The following TACC1 variants were observed in gnomAD, a reference collection of about 807,000 sequenced individuals.
TACC1 encodes transforming acidic coiled-coil containing protein 1.
A neutral mutation model predicts 84.4 loss-of-function variants in TACC1; 48 were observed. The ratio of observed to expected loss-of-function variants is 0.57; its 90% CI spans 0.45 to 0.72. The LOEUF (loss-of-function observed/expected upper bound fraction) is 0.72, where lower values mean the gene tolerates loss of function less well. Ranked by LOEUF, TACC1 falls within the 30% of genes least tolerant of loss-of-function variation. The pLI, the probability that TACC1 is intolerant of heterozygous loss-of-function variation, is 0.00. For missense variants in TACC1, 920 were observed against 973.0 expected (o/e 0.95, Z 0.72); for synonymous variants, 372 against 376.3 (o/e 0.99, Z 0.13).
At chr8:38,741,865 C>T (rs914496488) in intron 1 of TACC1, among the ~76,000 whole-genome samples, 3 of 152,010 alleles carry the variant, frequency 2.0e-5, no homozygotes, top group Admixed American at 6.6e-5. Context: ...GACTGAAATA[C>T]GGCCAGGGCA....
chr8:38,849,180 A>G lies in TACC1; in HGVS notation c.*1157A>G, dbSNP rs1243643524. The G allele has an allele frequency of 1.3e-5, 2 of 150,088 alleles. No homozygotes were observed. Among genetic ancestry groups the G allele is most frequent in the South Asian group, 2.1e-4 (1 of 4,720 alleles). 9.3% of individuals were successfully genotyped at this position (150,088 alleles called of 1,614,324 possible). Reference sequence around the variant, plus strand: ...TTAAGACAGAATTTTTAACAAAATGAGCAGTAAAAGTCACATGAACCACTC... The same window carrying G: ...TTAAGACAGAATTTTTAACAAAATGGGCAGTAAAAGTCACATGAACCACTC... On this transcript the variant is annotated 3_prime_UTR_variant, in exon 13 of 13. Transcript: ENST00000317827.
chr8:38,762,311 A>G (rs1389440685), intron 3 of TACC1, among the ~76,000 whole-genome samples: 1 of 151,690 alleles, frequency 6.6e-6, no homozygotes, highest in East Asian at 1.9e-4. Context: ...GGCACCCACC[A>G]TCCTATTTTC....
exon 3 of TACC1, chr8:38,745,376 C>T (rs1587164137): frequency 3.3e-6 from 2 of 611,850 alleles, no homozygotes; most frequent in Non-Finnish European, 5.8e-6. Context: ...TTCATCATAT[C>T]CAAGATTGAA....
At position 38,820,289 on chromosome 8, in the gene TACC1, C is replaced by A. The variant is rs1348297612; in HGVS notation, c.1045C>A (p.Leu349Met). ...RKLGRKLGST[L>M]TPKIQKDGIS... ...GCTTGGCAGGAAACTGGGTAGCACA[C>A]TGACTCCCAAGATACAAAAAGATGG... Residue 349 changes from leucine to methionine, a missense_variant, in exon 3 of 13, where the codon CTG becomes ATG. By Grantham distance (15) the Leu-to-Met change is conservative. Coordinates refer to ENST00000317827, the MANE Select transcript of TACC1 (RefSeq NM_006283.3). 1 of 1,614,186 alleles carries A rather than the reference C, an allele frequency of 6.2e-7. No homozygotes were observed. The highest frequency in any genetic ancestry group is 8.5e-7 in the Non-Finnish European group (1 of 1,180,042).
Position 38,780,658 on chromosome 8 carries a change from G to C in TACC1, c.27-8046G>C, listed in dbSNP as rs143711304. Among the ~76,000 whole-genome samples, 261 of 148,454 alleles carry C rather than the reference G, an allele frequency of 1.8e-3. 1 individual carries two copies. The highest frequency in any genetic ancestry group is 6.2e-3 in the African/African-American group (249 of 40,472). ...TTTTTTTTTACAAAATCTAAAATAT[G>C]TTCACCAGTTTATTTTTCCAGATAA... On this transcript the variant is annotated intron_variant, in intron 3 of 14. Transcript: ENST00000518415.
chr8:38,817,946 A>C (rs1261943977), intron 2 of TACC1, among the ~76,000 whole-genome samples: 1 of 144,198 alleles, frequency 6.9e-6, no homozygotes, highest in African/African-American at 2.5e-5. Context: ...AAAAAAAAAA[A>C]ACAGGCTGGA....
chr8:38,813,581 T>C (rs1045301257), intron 2 of TACC1, among the ~76,000 whole-genome samples: 1 of 152,208 alleles, frequency 6.6e-6, no homozygotes, highest in African/African-American at 2.4e-5. Context: ...CACCATGGGT[T>C]GTATTGAGTT....
chr8:38,760,008 C>A (rs2151806541), intron 3 of TACC1, among the ~76,000 whole-genome samples: 1 of 151,664 alleles, frequency 6.6e-6, no homozygotes, highest in African/African-American at 2.4e-5. Flanking sequence ...GAGGCTGTAG[C>A]CTTTTCAAAA....
chr8:38,759,105 A>G (rs572506213), intron 3 of TACC1, among the ~76,000 whole-genome samples: 1 of 152,198 alleles, frequency 6.6e-6, no homozygotes, highest in Non-Finnish European at 1.5e-5. Context: ...GCAATATAAC[A>G]TTGAGATGAA....
chr8:38,848,529 A>T lies in TACC1; in HGVS notation c.*506A>T, dbSNP rs1051854675. ...CTGGATCCCCTTTTAAATTACACACACTCTCACACACATACATGTATGTTT... is the reference window on the plus strand; with the variant it reads ...CTGGATCCCCTTTTAAATTACACACTCTCTCACACACATACATGTATGTTT... On this transcript the variant is annotated 3_prime_UTR_variant, in exon 13 of 13. Coordinates refer to ENST00000317827, the MANE Select transcript of TACC1 (RefSeq NM_006283.3). The T allele has an allele frequency of 6.5e-6, 1 of 152,792 alleles. No individual in the cohort carries two copies. The highest frequency in any genetic ancestry group is 2.4e-5 in the African/African-American group (1 of 41,424). The allele number at this position is 152,792 out of a possible 1,614,324, so 9.5% of individuals were successfully genotyped here.
chr8:38,792,773 T>A (rs1024935423), intron 2 of TACC1, among the ~76,000 whole-genome samples: 2 of 152,102 alleles, frequency 1.3e-5, no homozygotes, highest in Admixed American at 1.3e-4. Context: ...CCAGTTTTTT[T>A]ATTTTTTGTA....
rs1303398405 is a variant in TACC1, at chr8:38,843,642, TCTTC to T, written c.2228+250_2228+253del. 4 of 267,242 alleles carry T rather than the reference TCTTC, an allele frequency of 1.5e-5. No individual in the cohort carries two copies. The East Asian group carries it at 2.6e-4, about 17-fold the overall frequency. The allele number at this position is 267,242 out of a possible 1,614,324, so 16.6% of individuals were successfully genotyped here. A position where few individuals can be genotyped will look rare whatever the true frequency, so the allele number is the denominator to read the frequency against. ...ATCACCATTGTTGGTTTCTGTTTTT[TCTTC>T]CTATTACAATTTTTTTCTTTTTTAT... On this transcript the variant is annotated intron_variant, in intron 11 of 12. Transcript: ENST00000317827.
Position 38,796,260 on chromosome 8 carries a change from A to G in TACC1, c.277+7441A>G, listed in dbSNP as rs189632809. Among the ~76,000 whole-genome samples the G allele has an allele frequency of 3.9e-5, 6 of 152,320 alleles. No homozygotes were observed. In the East Asian group the frequency reaches 1.2e-3, roughly 29 times the overall value. ...CTGCTAGTAGTGGACCTGGGTTTTG[A>G]ATTCAGCTTTTAAGATTGCAGATCC... On this transcript the variant is annotated intron_variant, in intron 2 of 12. Transcript: ENST00000317827.
intron 8 of TACC1, chr8:38,839,969 G>C (rs1234303397): frequency 3.6e-6 from 1 of 278,834 alleles, no homozygotes; most frequent in Non-Finnish European, 6.7e-6. Flanking sequence ...GAAAGGGAAG[G>C]CAGTTGGTTC....
chr8:38,749,059 GA>G (rs200067869), intron 3 of TACC1, among the ~76,000 whole-genome samples: 1 of 149,768 alleles, frequency 6.7e-6, no homozygotes. Context: ...GACTGGCAAA[GA>G]AAAAAAAATG....
At position 38,765,770 on chromosome 8, in the gene TACC1, G is replaced by A. The variant is rs139931631; in HGVS notation, c.26+20277G>A. On this transcript the variant is annotated intron_variant, in intron 3 of 14. Transcript: ENST00000518415. Reference sequence around the variant, plus strand: ...AATATTTGTTTATAATACTGCGGACGGGACATATGCCGAAAAGTCAAACAA... The same window carrying A: ...AATATTTGTTTATAATACTGCGGACAGGACATATGCCGAAAAGTCAAACAA... Among the ~76,000 whole-genome samples the A allele has an allele frequency of 3.1e-4, 47 of 152,190 alleles. No homozygotes were observed. The East Asian group carries it at 6.4e-3, about 21-fold the overall frequency.
At chr8:38,818,545 TAGAGAC>T (rs981385212) in intron 2 of TACC1, among the ~76,000 whole-genome samples, 3 of 152,230 alleles carry the variant, frequency 2.0e-5, no homozygotes, top group African/African-American at 7.2e-5. Flanking sequence ...TGGTCCGACT[TAGAGAC>T]AGAGGTTCTA....
intron 1 of TACC1, among the ~76,000 whole-genome samples, chr8:38,736,520 G>A (rs369746735): frequency 2.0e-5 from 3 of 152,194 alleles, no homozygotes; most frequent in African/African-American, 7.2e-5. Context: ...GAAGGCTGAG[G>A]TAGGAGGATC....
chr8:38,835,826 C>T (rs531910122), intron 6 of TACC1, among the ~76,000 whole-genome samples: 3 of 152,352 alleles, frequency 2.0e-5, no homozygotes, highest in Admixed American at 6.5e-5. Context: ...AGCTTATCCC[C>T]AGAAACTTAA....
Sources: allele counts gnomAD v4.1 joint callset (sites outside exome capture counted in the v4.1 genomes callset), GRCh38; gene constraint gnomAD v4.1.1; transcripts MANE v1.5; gene names NCBI Gene and HGNC (gene_info 2026-07-23, HGNC 2026-07-21).